The following PHKG2 variants were observed in gnomAD, a reference collection of about 807,000 sequenced individuals.
The protein encoded by PHKG2 is phosphorylase kinase catalytic subunit gamma 2.
A neutral mutation model predicts 44.5 loss-of-function variants in PHKG2; 28 were observed. That is an observed-to-expected ratio of 0.63 (90% confidence interval 0.47 to 0.86). The LOEUF is 0.86. Among genes scored for constraint, PHKG2 ranks in the 40% least tolerant of loss-of-function variants. The probability of loss-of-function intolerance (pLI) is 0.00; values close to 1 mark genes in which losing one functional copy is unlikely to be tolerated. For synonymous variants in PHKG2, 220 were observed against 211.2 expected, an observed-to-expected ratio of 1.04 and a Z score of -0.36; for missense variants, 498 against 547.5, an observed-to-expected ratio of 0.91 and a Z score of 0.90.
At position 30,748,470 on chromosome 16, in the gene PHKG2, C is replaced by T. The variant is rs2053281492; in HGVS notation, c.-39C>T. The stretch of plus-strand genomic sequence containing the variant: ...ACAGCGCAGCTCGCGTCGACCCTGG[C>T]TCCTCTGCCTGCCCCCTCAGGTGAG... On this transcript the variant is annotated 5_prime_UTR_variant, in exon 1 of 10. Coordinates refer to ENST00000563588, the MANE Select transcript of PHKG2 (RefSeq NM_000294.3). The T allele has an allele frequency of 8.5e-6, 3 of 351,750 alleles. No individual in the cohort carries two copies. The highest frequency in any genetic ancestry group is 1.6e-5 in the Non-Finnish European group (3 of 190,376). 21.8% of individuals were successfully genotyped at this position (351,750 alleles called of 1,614,324 possible).
At chr16:30,755,735 T>C (rs2053413041) in intron 6 of PHKG2, among the ~76,000 whole-genome samples, 1 of 151,930 alleles carries the variant, frequency 6.6e-6, no homozygotes, top group South Asian at 2.1e-4. Flanking sequence ...TGAGTGATAG[T>C]TGGAGATTAT....
chr16:30,749,873 G>C (rs1177584481), intron 2 of PHKG2, among the ~76,000 whole-genome samples: 1 of 152,170 alleles, frequency 6.6e-6, no homozygotes, highest in Non-Finnish European at 1.5e-5. Context: ...GATAGGTAGA[G>C]GTCTGTATCA....
rs556945561 is a variant in PHKG2 at position 30,748,481 on chromosome 16, G to A, written c.-28G>A. 10 of 372,468 alleles carry A rather than the reference G, an allele frequency of 2.7e-5. No individual in the cohort carries two copies. Among genetic ancestry groups the A allele is most frequent in the Non-Finnish European group, 4.4e-5 (9 of 202,964 alleles). The allele number at this position is 372,468 out of a possible 1,614,324, so 23.1% of individuals were successfully genotyped here. On this transcript the variant is annotated 5_prime_UTR_variant, in exon 1 of 10. Coordinates refer to ENST00000563588, the MANE Select transcript of PHKG2 (RefSeq NM_000294.3). The stretch of plus-strand genomic sequence containing the variant: ...CGCGTCGACCCTGGCTCCTCTGCCT[G>A]CCCCCTCAGGTGAGCCTGCGCTAGA...
chr16:30,752,108 AGT>A (rs1483168155), intron 4 of PHKG2, among the ~76,000 whole-genome samples: 11 of 140,638 alleles, frequency 7.8e-5, no homozygotes, highest in Non-Finnish European at 3.1e-5. Flanking sequence ...ATAAAGTAAT[AGT>A]GACCAGCCAG....
At chr16:30,749,480 T>G (rs2151306068) in intron 2 of PHKG2, among the ~76,000 whole-genome samples, 1 of 152,204 alleles carries the variant, frequency 6.6e-6, no homozygotes, top group South Asian at 2.1e-4. Context: ...CCCGAGTAGC[T>G]GGGATTACAG....
In PHKG2 at chr16:30,756,317, G is replaced by C. The variant is rs757860982; in HGVS notation, c.647+45G>C. 6 of 1,614,140 alleles carry C rather than the reference G, an allele frequency of 3.7e-6. No homozygotes were observed. In the South Asian group the frequency reaches 6.6e-5, roughly 18 times the overall value. ...CTCCCTCCCGTGCTTGCTGTCCTTT[G>C]CTGGGTCTGCCCGTCACCTAGTCCC... On this transcript the variant is annotated intron_variant, in intron 7 of 9. Transcript: ENST00000563588.
At chr16:30,755,137 G>A in intron 6 of PHKG2, 1 of 317,640 alleles carries the variant, frequency 3.1e-6, no homozygotes, top group Non-Finnish European at 6.3e-6. Context: ...AGCTACTCGG[G>A]AGGCTGAAGG....
rs780358480 is a variant in PHKG2 at position 30,759,550 on chromosome 16, A to T, written c.*2453A>T. The T allele has an allele frequency of 1.4e-4, 218 of 1,614,006 alleles. No individual in the cohort carries two copies. The highest frequency in any genetic ancestry group is 1.8e-4 in the Non-Finnish European group (210 of 1,180,008). On this transcript the variant is annotated 3_prime_UTR_variant, in exon 10 of 10. Coordinates refer to ENST00000563588, the MANE Select transcript of PHKG2 (RefSeq NM_000294.3). Reference sequence around the variant, plus strand: ...CCAGCAACAGGAGCAAGGAGAGCCCACTGGGGTCTTCACAAGAAGATAAGG... The same window carrying T: ...CCAGCAACAGGAGCAAGGAGAGCCCTCTGGGGTCTTCACAAGAAGATAAGG...
chr16:30,749,204 G>GGTGT (rs147345160), intron 2 of PHKG2, among the ~76,000 whole-genome samples: 7,662 of 91,784 alleles, frequency 0.083, 1,131 homozygotes, highest in Middle Eastern at 0.19. Flanking sequence ...TGCTGGTGGT[G>GGTGT]GTGTGTGTGT....
chr16:30,753,024 G>T lies in PHKG2; in HGVS notation c.327-208G>T. 1.2e-5 allele frequency: 7 copies of T among 578,788 alleles called. No individual in the cohort carries two copies. The Admixed American group carries it at 1.5e-4, about 12-fold the overall frequency. 35.9% of individuals were successfully genotyped at this position (578,788 alleles called of 1,614,324 possible). A position where few individuals can be genotyped will look rare whatever the true frequency, so the allele number is the denominator to read the frequency against. ...GAAGTCTCTTATTTTTGCCATAATT[G>T]CCCCATCATGGCATAATGCAGGTAT... On this transcript the variant is annotated intron_variant, in intron 4 of 9. Transcript: ENST00000563588.
Position 30,759,570 on chromosome 16 carries a change from A to G in PHKG2, c.*2473A>G. The G allele has an allele frequency of 6.2e-7, 1 of 1,614,098 alleles. No individual in the cohort carries two copies. The highest frequency in any genetic ancestry group is 8.5e-7 in the Non-Finnish European group (1 of 1,180,002). ...AGCCCACTGGGGTCTTCACAAGAAGATAAGGGTGATGAATGTGAGAGAGAC... is the reference window on the plus strand; with the variant it reads ...AGCCCACTGGGGTCTTCACAAGAAGGTAAGGGTGATGAATGTGAGAGAGAC... On this transcript the variant is annotated 3_prime_UTR_variant, in exon 10 of 10. Coordinates refer to ENST00000563588, the MANE Select transcript of PHKG2 (RefSeq NM_000294.3).
intron 6 of PHKG2, 87 bp downstream of exon 6, chr16:30,753,644 T>C (rs1459909409): frequency 7.5e-7 from 1 of 1,329,826 alleles, no homozygotes; most frequent in East Asian, 2.3e-5. Flanking sequence ...ACCAAGTCCC[T>C]GGTGCCAAGA....
At chr16:30,754,672 T>C (rs559232736) in intron 6 of PHKG2, among the ~76,000 whole-genome samples, 1 of 152,320 alleles carries the variant, frequency 6.6e-6, no homozygotes, top group East Asian at 1.9e-4. Context: ...GATGTTGTAC[T>C]TTAAAACCCT....
At chr16:30,750,448 G>C (rs564408711) in intron 2 of PHKG2, among the ~76,000 whole-genome samples, 5 of 152,342 alleles carry the variant, frequency 3.3e-5, no homozygotes, top group African/African-American at 1.2e-4. Flanking sequence ...TTGCTCCTTA[G>C]TCTGAGGAAT....
At position 30,748,597 on chromosome 16, in the gene PHKG2, C is replaced by T. The variant is rs371557440; in HGVS notation, c.-19+107C>T. On this transcript the variant is annotated intron_variant, in intron 1 of 9. Coordinates refer to ENST00000563588, the MANE Select transcript of PHKG2 (RefSeq NM_000294.3). ...CCTTCCCCCTGCCTCCTGGGCACAT[C>T]TCCCCACTCCCCTCCCTGCCCTGCC... The T allele has an allele frequency of 6.6e-4, 386 of 581,828 alleles. 4 individuals carry two copies. Among genetic ancestry groups the T allele is most frequent in the Middle Eastern group, 9.2e-4 (2 of 2,182 alleles). The allele number at this position is 581,828 out of a possible 1,614,324, so 36.0% of individuals were successfully genotyped here. A position where few individuals can be genotyped will look rare whatever the true frequency, so the allele number is the denominator to read the frequency against.
At position 30,759,248 on chromosome 16, in the gene PHKG2, C is replaced by T; in HGVS notation, c.*2151C>T. 2 of 1,614,148 alleles carry T rather than the reference C, an allele frequency of 1.2e-6. No individual in the cohort carries two copies. Among genetic ancestry groups the T allele is most frequent in the Non-Finnish European group, 8.5e-7 (1 of 1,180,022 alleles). On this transcript the variant is annotated 3_prime_UTR_variant, in exon 10 of 10. Coordinates refer to ENST00000563588, the MANE Select transcript of PHKG2 (RefSeq NM_000294.3). ...AAGTCAAAGACAGATCCAGCCGCAC[C>T]TGGGAAGCAAGGCAGAGGGAGGCTG... is the stretch of plus-strand genomic sequence containing the variant.
intron 2 of PHKG2, 120 bp downstream of exon 2, chr16:30,749,035 T>C (rs1596677384): frequency 1.5e-5 from 1 of 68,698 alleles, no homozygotes; most frequent in African/African-American, 1.5e-4. Flanking sequence ...GTGGTGGTGG[T>C]GGTGGTGGTG....
At chr16:30,755,477 C>G in intron 6 of PHKG2, among the ~76,000 whole-genome samples, 1 of 151,982 alleles carries the variant, frequency 6.6e-6, no homozygotes, top group Middle Eastern at 3.2e-3. Flanking sequence ...GAGTTCAAGA[C>G]CAGCCTGGCC....
rs540905727 is a variant in PHKG2 at position 30,753,608 on chromosome 16, A to G, written c.556+51A>G. ...GCTTGGGAGGGGAGACCCAGGCCTGATGAGATTGGTTGGCTGGGTCTGAGT... is the reference window on the plus strand; with the variant it reads ...GCTTGGGAGGGGAGACCCAGGCCTGGTGAGATTGGTTGGCTGGGTCTGAGT... On this transcript the variant is annotated intron_variant, in intron 6 of 9. Coordinates refer to ENST00000563588, the MANE Select transcript of PHKG2 (RefSeq NM_000294.3). The G allele has an allele frequency of 4.0e-5, 63 of 1,572,696 alleles. 2 individuals are homozygous for G. In the South Asian group the frequency reaches 7.0e-4, roughly 17 times the overall value.
Sources: gnomAD v4.1 joint callset for allele counts (sites outside exome capture counted in the v4.1 genomes callset) on GRCh38, gnomAD v4.1.1 for gene constraint, MANE v1.5 for transcripts, NCBI Gene and HGNC (gene_info 2026-07-23, HGNC 2026-07-21) for gene names.